COPZ2: variants seen among roughly 807,000 people sequenced by gnomAD.
COPZ2 encodes coat protein complex I subunit zeta 2.
COPZ2 carries 30 observed loss-of-function variants against 33.2 expected under a neutral mutation model. The ratio of observed to expected loss-of-function variants is 0.90; its 90% CI spans 0.68 to 1.23. The LOEUF is 1.23. Among genes scored for constraint, COPZ2 ranks in the 50% most tolerant of loss-of-function variants. The probability of loss-of-function intolerance (pLI) is 0.00; values close to 1 mark genes in which losing one functional copy is unlikely to be tolerated. For synonymous variants in COPZ2, 89 were observed against 102.6 expected, an observed-to-expected ratio of 0.87 and a Z score of 0.80; for missense variants, 263 against 262.4, an observed-to-expected ratio of 1.00 and a Z score of -0.02.
rs1465709930 is a variant in COPZ2 at position 48,032,742 on chromosome 17, C to G, written c.361-1G>C. ...AGGTGAGAACAGACATGAGCATCAG[C>G]TGGGATGGGCAGATACGGGAGGAGG... On this transcript the variant is annotated splice_acceptor_variant, in intron 4 of 8. Transcript: ENST00000621465. LOFTEE classifies it high-confidence loss of function. 6.3e-7 allele frequency: 1 copy of G among 1,590,278 alleles called. No homozygotes were observed. The highest frequency in any genetic ancestry group is 8.6e-7 in the Non-Finnish European group (1 of 1,168,154).
upstream of COPZ2, among the ~76,000 whole-genome samples, chr17:48,041,345 TA>T (rs1265184479): frequency 6.6e-6 from 1 of 152,052 alleles, no homozygotes; most frequent in Non-Finnish European, 1.5e-5. Context: ...AATACACAAA[TA>T]AATGGGAAAA....
chr17:48,026,799 C>T (rs1016795291), intron 8 of COPZ2, among the ~76,000 whole-genome samples: 1 of 152,260 alleles, frequency 6.6e-6, no homozygotes, highest in African/African-American at 2.4e-5. Context: ...CACGTCCAGG[C>T]GGAGACGGGG....
chr17:48,044,214 G>A, the COPZ2 span, among the ~76,000 whole-genome samples: 3 of 152,188 alleles, frequency 2.0e-5, no homozygotes, highest in African/African-American at 4.8e-5. Flanking sequence ...AAGCGTGGTG[G>A]TGTGCACCTT....
intron 4 of COPZ2, 69 bp from the exon 5 acceptor site, chr17:48,032,810 G>T: frequency 7.8e-7 from 1 of 1,289,286 alleles, no homozygotes; most frequent in South Asian, 1.3e-5. Flanking sequence ...GAAGCACTTG[G>T]AGCCCACCTG....
chr17:48,034,322 T>C (rs939754244), intron 2 of COPZ2, among the ~76,000 whole-genome samples: 1 of 152,118 alleles, frequency 6.6e-6, no homozygotes, highest in African/African-American at 2.4e-5. Context: ...GTCAGGCTGG[T>C]CTCGAACTCC....
intron 4 of COPZ2, 74 bp downstream of exon 4, chr17:48,033,135 CCT>C: frequency 9.6e-7 from 1 of 1,046,242 alleles, no homozygotes. Context: ...CAGGTCCCAG[CCT>C]CAAGCCCAGA....
In COPZ2 at chr17:48,033,251, T is replaced by C. The variant is rs1316886578; in HGVS notation, c.320A>G (p.Asp107Gly). 6.2e-7 allele frequency: 1 copy of C among 1,613,200 alleles called. No homozygotes were observed. The highest frequency in any genetic ancestry group is 8.5e-7 in the Non-Finnish European group (1 of 1,179,552). Residue 107 changes from aspartate to glycine, a missense_variant, in exon 4 of 9, where the codon GAC (aspartate) becomes GGC (glycine). Coordinates refer to ENST00000621465, the MANE Select transcript of COPZ2 (RefSeq NM_016429.4). ...TGAGCCCACCACGTATAGGAAGAGGTCAATGCTGTTCTTGTAGACGATGGT... is the reference window on the plus strand; with the variant it reads ...TGAGCCCACCACGTATAGGAAGAGGCCAATGCTGTTCTTGTAGACGATGGT... ...GMTIVYKNSI[D>G]LFLYVVGSSY...
At chr17:48,047,232 G>A in the COPZ2 span, 10 of 152,174 alleles carry the variant, frequency 6.6e-5, no homozygotes, top group Non-Finnish European at 1.2e-4. Flanking sequence ...GCTCTTCTAA[G>A]AAGACACAGT....
chr17:48,031,400 C>T (rs1028853430), intron 6 of COPZ2, among the ~76,000 whole-genome samples: 6 of 150,196 alleles, frequency 4.0e-5, no homozygotes, highest in Non-Finnish European at 8.9e-5. Flanking sequence ...TGCAGTGAGC[C>T]GAGATCACGC....
In COPZ2 at chr17:48,037,140, C is replaced by T. The variant is rs762369307; in HGVS notation, c.112-215G>A. ...TTCCACTGCAGGCCCCGAGTGGGCG[C>T]TGTGCCCGTTGGGTGCAGAAGGTCC... On this transcript the variant is annotated intron_variant, in intron 1 of 8. Coordinates refer to ENST00000621465, the MANE Select transcript of COPZ2 (RefSeq NM_016429.4). This position sits in a 1 kb window ranked among gnomAD's most constrained non-coding sequence, Gnocchi z 5.6. The T allele has an allele frequency of 2.6e-6, 2 of 766,240 alleles. No homozygotes were observed. The highest frequency in any genetic ancestry group is 3.4e-5 in the Admixed American group (2 of 58,186). The allele number at this position is 766,240 out of a possible 1,614,324, so 47.5% of individuals were successfully genotyped here.
Position 48,028,340 on chromosome 17 carries a change from A to T in COPZ2, c.585+132T>A. On this transcript the variant is annotated intron_variant, in intron 8 of 8. Coordinates refer to ENST00000621465, the MANE Select transcript of COPZ2 (RefSeq NM_016429.4). The surrounding 1 kb of genome is among the most constrained non-coding windows in gnomAD (Gnocchi z 4.5). ...CCAAGATATGACCTGTCACTGCCTCATCCCTTCCCTTCTCACCCCTGATTT... is the reference window on the plus strand; with the variant it reads ...CCAAGATATGACCTGTCACTGCCTCTTCCCTTCCCTTCTCACCCCTGATTT... The T allele has an allele frequency of 6.7e-6, 6 of 892,878 alleles. No individual in the cohort carries two copies. The highest frequency in any genetic ancestry group is 1.0e-5 in the Non-Finnish European group (6 of 595,104). The allele number at this position is 892,878 out of a possible 1,614,324, so 55.3% of individuals were successfully genotyped here. A position where few individuals can be genotyped will look rare whatever the true frequency, so the allele number is the denominator to read the frequency against.
chr17:48,041,956 C>G (rs2037066305), upstream of COPZ2, among the ~76,000 whole-genome samples: 1 of 150,256 alleles, frequency 6.7e-6, no homozygotes. Context: ...AGATAGGGGA[C>G]TTAGGGGGCT....
At position 48,026,475 on chromosome 17, in the gene COPZ2, C is replaced by A. The variant is rs2036818516; in HGVS notation, c.586G>T (p.Val196Phe). Residue 196 changes from valine to phenylalanine, a missense_variant and splice_region_variant, in exon 9 of 9, where the codon GTT becomes TTT. Transcript: ENST00000621465. ...GGLTEQSVAQ[V>F]LQSAKEQIKW... ...ATTTGTTCCTTGGCAGACTGAAGAA[C>A]CTGGGGTGGGGTGGGGGAGGTTGAG... is the stretch of plus-strand genomic sequence containing the variant. The A allele has an allele frequency of 6.2e-7, 1 of 1,611,024 alleles. No individual in the cohort carries two copies. Among genetic ancestry groups the A allele is most frequent in the Non-Finnish European group, 8.5e-7 (1 of 1,177,532 alleles).
chr17:48,036,848 T>C lies in COPZ2; in HGVS notation c.186+3A>G. The C allele has an allele frequency of 6.2e-7, 1 of 1,611,760 alleles. No homozygotes were observed. The highest frequency in any genetic ancestry group is 1.3e-5 in the African/African-American group (1 of 74,832). ...GTCCCTCATGGGTGGGGTCAGAGGTTACCTTGGCCAGCAGCCGGCGCCCGT... is the reference window on the plus strand; with the variant it reads ...GTCCCTCATGGGTGGGGTCAGAGGTCACCTTGGCCAGCAGCCGGCGCCCGT... On this transcript the variant is annotated splice_donor_region_variant and intron_variant, in intron 2 of 8. Coordinates refer to ENST00000621465, the MANE Select transcript of COPZ2 (RefSeq NM_016429.4).
intron 6 of COPZ2, 191 bp from the exon 7 acceptor site, chr17:48,029,367 G>C: frequency 3.1e-6 from 2 of 651,064 alleles, no homozygotes; most frequent in Non-Finnish European, 5.4e-6. Flanking sequence ...CTGATTCTTT[G>C]ATGCTTCAAC....
chr17:48,031,992 G>C, intron 6 of COPZ2, 164 bp downstream of exon 6: 1 of 634,938 alleles, frequency 1.6e-6, no homozygotes, highest in East Asian at 2.7e-5. Context: ...TTCATGAGTG[G>C]GGCGCTAGTA....
Position 48,028,870 on chromosome 17 carries a change from C to G in COPZ2, c.546+255G>C, listed in dbSNP as rs2036852158. On this transcript the variant is annotated intron_variant, in intron 7 of 8. Coordinates refer to ENST00000621465, the MANE Select transcript of COPZ2 (RefSeq NM_016429.4). The surrounding 1 kb of genome is among the most constrained non-coding windows in gnomAD (Gnocchi z 4.5). ...CCTCTTTGAAGATGTATTTATTTCC[C>G]CAGTCTATACTTCCTACCAGGAAAG... Among the ~76,000 whole-genome samples, 1 of 152,134 alleles carries G rather than the reference C, an allele frequency of 6.6e-6. No individual in the cohort carries two copies. Among genetic ancestry groups the G allele is most frequent in the African/African-American group, 2.4e-5 (1 of 41,408 alleles).
rs2036917672 is a variant in COPZ2, at chr17:48,033,046, C to T, written c.360+165G>A. The T allele has an allele frequency of 3.8e-5, 23 of 609,382 alleles. 2 individuals are homozygous for T. The South Asian group carries it at 4.5e-4, about 12-fold the overall frequency. The allele number at this position is 609,382 out of a possible 1,614,324, so 37.7% of individuals were successfully genotyped here. A position where few individuals can be genotyped will look rare whatever the true frequency, so the allele number is the denominator to read the frequency against. Reference sequence around the variant, plus strand: ...GAAACTAAGGGGCATCGAAGATACACATTGTCCCAGAAAGAACCCTTCTGG... The same window carrying T: ...GAAACTAAGGGGCATCGAAGATACATATTGTCCCAGAAAGAACCCTTCTGG... On this transcript the variant is annotated intron_variant, in intron 4 of 8. Transcript: ENST00000621465.
chr17:48,047,818 A>G, the COPZ2 span: 2 of 152,220 alleles, frequency 1.3e-5, no homozygotes, highest in African/African-American at 4.8e-5. Context: ...CCAGCACCCA[A>G]GATGGCGGCA....
Sources: allele counts gnomAD v4.1 joint callset (sites outside exome capture counted in the v4.1 genomes callset), GRCh38; gene constraint gnomAD v4.1.1; non-coding constraint Gnocchi (gnomAD v3.1); transcripts MANE v1.5; gene names NCBI Gene and HGNC (gene_info 2026-07-23, HGNC 2026-07-21).